CNGA1: variants seen among roughly 807,000 people sequenced by gnomAD.
CNGA1 encodes cyclic nucleotide gated channel subunit alpha 1, also known as cyclic nucleotide-gated channel alpha-1.
CNGA1 carries 53 observed loss-of-function variants against 69.7 expected under a neutral mutation model. That is an observed-to-expected ratio of 0.76 (90% confidence interval 0.61 to 0.96). The LOEUF is 0.96. Among genes scored for constraint, CNGA1 ranks in the 40% least tolerant of loss-of-function variants. The probability of loss-of-function intolerance (pLI) is 0.00; values close to 1 mark genes in which losing one functional copy is unlikely to be tolerated. For synonymous variants in CNGA1, 249 were observed against 283.5 expected, an observed-to-expected ratio of 0.88 and a Z score of 1.22; for missense variants, 739 against 811.2, an observed-to-expected ratio of 0.91 and a Z score of 1.08.
chr4:48,005,669 C>A (rs1457464824), intron 2 of CNGA1, among the ~76,000 whole-genome samples: 3 of 152,160 alleles, frequency 2.0e-5, no homozygotes, highest in Non-Finnish European at 2.9e-5. Flanking sequence ...ACATTCTTTA[C>A]TTACCACAGG....
intron 1 of CNGA1, among the ~76,000 whole-genome samples, chr4:48,012,208 G>T: frequency 6.6e-6 from 1 of 152,118 alleles, no homozygotes; most frequent in Admixed American, 6.6e-5. Flanking sequence ...GATTTGTAGG[G>T]CATGACTCCC....
At chr4:47,953,110 G>A (rs1012356914) in intron 3 of CNGA1, among the ~76,000 whole-genome samples, 1 of 152,170 alleles carries the variant, frequency 6.6e-6, no homozygotes, top group African/African-American at 2.4e-5. Context: ...ACTTTAAGAT[G>A]AAGTTTGGGT....
At chr4:48,007,968 G>A (rs971248785) in intron 2 of CNGA1, among the ~76,000 whole-genome samples, 2 of 152,088 alleles carry the variant, frequency 1.3e-5, no homozygotes, top group African/African-American at 4.8e-5. Context: ...ACCAAAAACA[G>A]CAAGATGCAA....
chr4:47,972,236 T>C (rs1467224473), intron 3 of CNGA1, among the ~76,000 whole-genome samples: 1 of 152,224 alleles, frequency 6.6e-6, no homozygotes, highest in Non-Finnish European at 1.5e-5. Flanking sequence ...AAATACATAA[T>C]ATTTTGTTCC....
intron 3 of CNGA1, among the ~76,000 whole-genome samples, chr4:47,970,419 G>A (rs539054929): frequency 2.6e-5 from 4 of 152,220 alleles, no homozygotes; most frequent in Admixed American, 6.5e-5. Context: ...GGGAGACTGA[G>A]GCAGGTGGAT....
At chr4:47,991,559 G>A (rs1041042020) in intron 2 of CNGA1, among the ~76,000 whole-genome samples, 2 of 152,120 alleles carry the variant, frequency 1.3e-5, no homozygotes, top group Admixed American at 6.5e-5. Context: ...GTAGATTCTG[G>A]ATATTAGTCC....
At chr4:48,016,122 T>C (rs1401480466) in intron 1 of CNGA1, among the ~76,000 whole-genome samples, 2 of 152,220 alleles carry the variant, frequency 1.3e-5, no homozygotes, top group African/African-American at 4.8e-5. Flanking sequence ...AGTTTTGGCA[T>C]TGCTTTTCCC....
rs376208041 is a variant in CNGA1 at position 47,992,640 on chromosome 4, T to G, written c.-122-11140A>C. 2.4e-3 allele frequency among the ~76,000 whole-genome samples: 355 copies of G among 149,950 alleles called. 2 individuals carry two copies. Among genetic ancestry groups the G allele is most frequent in the African/African-American group, 8.1e-3 (332 of 41,180 alleles). Reference sequence around the variant, plus strand: ...AGTGACAGTTTGACTTCATCTTTACTGATTTGGATGCCATTTATTATTTAT... The same window carrying G: ...AGTGACAGTTTGACTTCATCTTTACGGATTTGGATGCCATTTATTATTTAT... On this transcript the variant is annotated intron_variant, in intron 2 of 10. Coordinates refer to ENST00000514170, the MANE Select transcript of CNGA1 (RefSeq NM_001379270.1).
chr4:48,002,952 A>G (rs889082457), intron 2 of CNGA1, among the ~76,000 whole-genome samples: 1 of 152,150 alleles, frequency 6.6e-6, no homozygotes, highest in African/African-American at 2.4e-5. Flanking sequence ...CATAGCCTAA[A>G]TATCTTTCAA....
chr4:47,975,649 A>G (rs2110206145), intron 3 of CNGA1, among the ~76,000 whole-genome samples: 1 of 152,292 alleles, frequency 6.6e-6, no homozygotes, highest in East Asian at 1.9e-4. Flanking sequence ...TAATCCCAGT[A>G]TCTAGAACTG....
At chr4:48,013,652 G>C (rs1015612776) in intron 1 of CNGA1, among the ~76,000 whole-genome samples, 3 of 152,222 alleles carry the variant, frequency 2.0e-5, no homozygotes, top group African/African-American at 7.2e-5. Context: ...AGGCAGGTTG[G>C]CCCTAAGCAG....
chr4:47,967,316 A>AG (rs1560296118), intron 3 of CNGA1, among the ~76,000 whole-genome samples: 2 of 152,060 alleles, frequency 1.3e-5, no homozygotes. Context: ...AAACAAAAAA[A>AG]CAAAACAAAA....
chr4:48,008,469 T>C (rs928559256), intron 2 of CNGA1, among the ~76,000 whole-genome samples: 1 of 152,192 alleles, frequency 6.6e-6, no homozygotes, highest in African/African-American at 2.4e-5. Context: ...AAAAAAATTG[T>C]CCACCTTTTT....
chr4:47,937,677 T>C lies in CNGA1; in HGVS notation c.805A>G (p.Asn269Asp), dbSNP rs1166285292. 6.2e-7 allele frequency: 1 copy of C among 1,614,152 alleles called. No individual in the cohort carries two copies. The highest frequency in any genetic ancestry group is 1.7e-5 in the Admixed American group (1 of 60,030). Residue 269 changes from asparagine to aspartate, a missense_variant, in exon 11 of 11, where the codon AAC becomes GAC. Physicochemically the swap from Asn to Asp is conservative, Grantham distance 23. Coordinates refer to ENST00000514170, the MANE Select transcript of CNGA1 (RefSeq NM_001379270.1). ...ATACGAGAGAACCGTAACAACCTGT[T>C]TAATCTAATTTCTGGATAGTTCCAC... ...LGWNYPEIRL[N>D]RLLRFSRMFE... is the part of the protein sequence containing the mutation.
chr4:48,009,695 A>G (rs142331906), intron 2 of CNGA1, among the ~76,000 whole-genome samples: 3 of 151,048 alleles, frequency 2.0e-5, no homozygotes, highest in African/African-American at 7.3e-5. Flanking sequence ...TGCCAACTAC[A>G]TGGGAGGCTG....
chr4:47,945,053 C>A (rs1192542128), intron 6 of CNGA1, among the ~76,000 whole-genome samples: 1 of 151,982 alleles, frequency 6.6e-6, no homozygotes, highest in Non-Finnish European at 1.5e-5. Flanking sequence ...TTGAGGGCAA[C>A]TTACTCCATC....
chr4:47,982,135 C>T (rs1480733243), intron 2 of CNGA1, among the ~76,000 whole-genome samples: 4 of 152,172 alleles, frequency 2.6e-5, no homozygotes, highest in African/African-American at 7.2e-5. Context: ...AAGTAAATTT[C>T]CCTAAGAACT....
intron 2 of CNGA1, among the ~76,000 whole-genome samples, chr4:47,987,105 T>C (rs569145862): frequency 6.6e-6 from 1 of 151,902 alleles, no homozygotes; most frequent in South Asian, 2.1e-4. Flanking sequence ...CCTTGACTGA[T>C]AGAACATAGC....
intron 10 of CNGA1, among the ~76,000 whole-genome samples, chr4:47,938,720 T>A (rs1738853089): frequency 6.6e-6 from 1 of 151,926 alleles, no homozygotes; most frequent in African/African-American, 2.4e-5. Flanking sequence ...TGGTATTTGG[T>A]TCTTGACCCC....
Sources: allele counts gnomAD v4.1 joint callset (sites outside exome capture counted in the v4.1 genomes callset), GRCh38; gene constraint gnomAD v4.1.1; transcripts MANE v1.5; gene names NCBI Gene and HGNC (gene_info 2026-07-23, HGNC 2026-07-21).